PDZD2: variants seen among roughly 807,000 people sequenced by gnomAD.
PDZD2 encodes the protein PDZ domain containing 2.
PDZD2 carries 90 observed loss-of-function variants against 220.7 expected under a neutral mutation model. The observed-to-expected ratio is 0.41, with a 90% confidence interval of 0.34 to 0.49. The LOEUF is 0.49. Among genes scored for constraint, PDZD2 ranks in the 20% least tolerant of loss-of-function variants. The probability of loss-of-function intolerance (pLI) is 0.28; values close to 1 mark genes in which losing one functional copy is unlikely to be tolerated. For synonymous variants in PDZD2, 1,375 were observed against 1,450.5 expected, an observed-to-expected ratio of 0.95 and a Z score of 1.18; for missense variants, 3,174 against 3,608.5, an observed-to-expected ratio of 0.88 and a Z score of 3.08.
At chr5:31,765,502 C>T (rs1385387705) in intron 1 of PDZD2, among the ~76,000 whole-genome samples, 1 of 152,238 alleles carries the variant, frequency 6.6e-6, no homozygotes, top group African/African-American at 2.4e-5. Context: ...CCTGTTCTCT[C>T]TCTCTTTCTG....
chr5:31,930,196 CTTTTTTTTTTTT>C (rs760145512), intron 2 of PDZD2, among the ~76,000 whole-genome samples: 1 of 102,508 alleles, frequency 9.8e-6, no homozygotes. Context: ...CTCAGGTATT[CTTTTTTTTTTTT>C]TTTTTTTTTT....
intron 1 of PDZD2, chr5:31,742,173 C>A (rs1750302365): frequency 6.6e-6 from 1 of 152,162 alleles, no homozygotes; most frequent in South Asian, 2.1e-4. Context: ...GATTCTGTAG[C>A]CACACATAAG....
intron 1 of PDZD2, among the ~76,000 whole-genome samples, chr5:31,717,242 G>A (rs1443594165): frequency 6.6e-6 from 1 of 152,188 alleles, no homozygotes; most frequent in Non-Finnish European, 1.5e-5. Context: ...AGTCCTGGGT[G>A]TGTGGAGGCC....
intron 1 of PDZD2, among the ~76,000 whole-genome samples, chr5:31,791,839 A>C (rs924304214): frequency 6.6e-6 from 1 of 152,166 alleles, no homozygotes; most frequent in African/African-American, 2.4e-5. Flanking sequence ...TCCACATTAT[A>C]GGTTCTGTTA....
chr5:32,005,142 C>T (rs1752702198), intron 5 of PDZD2, among the ~76,000 whole-genome samples: 1 of 152,204 alleles, frequency 6.6e-6, no homozygotes, highest in Non-Finnish European at 1.5e-5. Context: ...AAGTAATCCA[C>T]AAGCTTCCTT....
Position 31,799,838 on chromosome 5 carries a change from G to A in PDZD2, c.476+114G>A, listed in dbSNP as rs1194264713. On this transcript the variant is annotated intron_variant, in intron 2 of 24. Transcript: ENST00000438447. ...TGCCAATAAGAAGCTGATGGCATAAGAAATGTCTCATTTAAACCCCCTCAT... is the reference window on the plus strand; with the variant it reads ...TGCCAATAAGAAGCTGATGGCATAAAAAATGTCTCATTTAAACCCCCTCAT... 44 of 711,038 alleles carry A rather than the reference G, an allele frequency of 6.2e-5. 1 individual carries two copies. In the South Asian group the frequency reaches 7.2e-4, roughly 12 times the overall value. The allele number at this position is 711,038 out of a possible 1,614,324, so 44.0% of individuals were successfully genotyped here.
At chr5:31,972,032 T>C (rs765773667) in intron 2 of PDZD2, among the ~76,000 whole-genome samples, 1 of 152,238 alleles carries the variant, frequency 6.6e-6, no homozygotes, top group Non-Finnish European at 1.5e-5. Context: ...TTATTCAATG[T>C]ATTCTTCCCA....
chr5:32,102,247 G>C (rs1158027720), intron 24 of PDZD2, among the ~76,000 whole-genome samples: 1 of 152,124 alleles, frequency 6.6e-6, no homozygotes, highest in Admixed American at 6.5e-5. Flanking sequence ...ACAGAGAAAT[G>C]TGCACTGCAG....
chr5:32,101,359 T>C, intron 24 of PDZD2, 120 bp downstream of exon 24: 1 of 933,962 alleles, frequency 1.1e-6, no homozygotes, highest in South Asian at 1.8e-5. Context: ...TAATGCTTTG[T>C]GACATACAAG....
At position 32,089,501 on chromosome 5, in the gene PDZD2, A is replaced by C. The variant is rs1742863975; in HGVS notation, c.6053A>C (p.Lys2018Thr). The C allele has an allele frequency of 6.2e-7, 1 of 1,612,980 alleles. No individual in the cohort carries two copies. ...GACAGAGGTTGCCCAACCACCCCTAAATCTCCTAAGTGTAGAGCAGAGGGC... is the reference window on the plus strand; with the variant it reads ...GACAGAGGTTGCCCAACCACCCCTACATCTCCTAAGTGTAGAGCAGAGGGC... ...EPDRGCPTTP[K>T]SPKCRAEGRA... Residue 2018 changes from lysine (K) to threonine (T), a missense_variant, in exon 20 of 25, where the codon AAA (lysine) becomes ACA (threonine). By Grantham distance (78) the Lys-to-Thr change is moderately conservative. This residue lies in a region of PDZD2 where 1,861 missense variants were observed against 2,001.0 expected (regional missense o/e 0.93). Coordinates refer to ENST00000438447, the MANE Select transcript of PDZD2 (RefSeq NM_178140.4).
At chr5:31,740,959 G>C (rs1266751360) in intron 1 of PDZD2, among the ~76,000 whole-genome samples, 1 of 152,172 alleles carries the variant, frequency 6.6e-6, no homozygotes, top group Non-Finnish European at 1.5e-5. Context: ...AACTTTAGCA[G>C]AACTCATGTT....
intron 2 of PDZD2, among the ~76,000 whole-genome samples, chr5:31,902,082 G>A (rs183165704): frequency 1.1e-4 from 17 of 152,268 alleles, no homozygotes; most frequent in African/African-American, 3.6e-4. Flanking sequence ...TAATGTTTTC[G>A]TTTCTCATGG....
rs1361933656 is a variant in PDZD2, at chr5:32,109,469, C to A, written c.*1334C>A. 12 of 152,156 alleles carry A rather than the reference C, an allele frequency of 7.9e-5. No homozygotes were observed. The highest frequency in any genetic ancestry group is 5.2e-4 in the Admixed American group (8 of 15,288). 9.4% of individuals were successfully genotyped at this position (152,156 alleles called of 1,614,324 possible). The stretch of plus-strand genomic sequence containing the variant: ...CAGTAGCTATTCCGATTGGATATTC[C>A]GTTCGTCGTCACATAGCTGGCTTTT... On this transcript the variant is annotated 3_prime_UTR_variant, in exon 25 of 25. Coordinates refer to ENST00000438447, the MANE Select transcript of PDZD2 (RefSeq NM_178140.4).
chr5:31,744,228 A>T (rs1434971166), intron 1 of PDZD2: 1 of 152,164 alleles, frequency 6.6e-6, no homozygotes, highest in Non-Finnish European at 1.5e-5. Context: ...TGTTGTTTCC[A>T]TTTCTAAATC....
At chr5:31,802,823 G>C (rs1754473224) in intron 2 of PDZD2, among the ~76,000 whole-genome samples, 1 of 151,330 alleles carries the variant, frequency 6.6e-6, no homozygotes, top group Admixed American at 6.6e-5. Flanking sequence ...GGGAGGCTGA[G>C]GCAGGAGAAT....
chr5:32,031,937 G>A (rs947767363), intron 6 of PDZD2, among the ~76,000 whole-genome samples: 3 of 152,088 alleles, frequency 2.0e-5, no homozygotes, highest in Admixed American at 6.6e-5. Context: ...GCTGCCTATG[G>A]CACATGTAAA....
intron 2 of PDZD2, among the ~76,000 whole-genome samples, chr5:31,876,297 C>CTT (rs56153944): frequency 7.1e-6 from 1 of 141,470 alleles, no homozygotes; most frequent in East Asian, 2.1e-4. Context: ...AATTTTTTTT[C>CTT]TTTTTTTTTT....
At chr5:31,776,798 G>C (rs886225626) in intron 1 of PDZD2, among the ~76,000 whole-genome samples, 1 of 145,320 alleles carries the variant, frequency 6.9e-6, no homozygotes, top group Non-Finnish European at 1.5e-5. Context: ...GCAGATGCAC[G>C]CCACCCTACC....
intron 2 of PDZD2, among the ~76,000 whole-genome samples, chr5:31,975,793 C>CTTTTTTTTTTTTTCTTTTT (rs879288343): frequency 1.8e-5 from 1 of 55,182 alleles, no homozygotes; most frequent in African/African-American, 8.5e-5. Context: ...GTATCAGTCA[C>CTTTTTTTTTTTTTCTTTTT]TTTTTTTTTA....
Sources: allele counts gnomAD v4.1 joint callset (sites outside exome capture counted in the v4.1 genomes callset), GRCh38; gene constraint gnomAD v4.1.1; regional missense constraint gnomAD v4.1.1; transcripts MANE v1.5; gene names NCBI Gene and HGNC (gene_info 2026-07-23, HGNC 2026-07-21).